ORC3: variants seen among roughly 807,000 people sequenced by gnomAD.
ORC3 encodes origin recognition complex subunit 3, also known as homolog of latheo, Drosophila.
A neutral mutation model predicts 100.7 loss-of-function variants in ORC3; 78 were observed. The ratio of observed to expected loss-of-function variants is 0.77; its 90% confidence interval spans 0.65 to 0.94. The LOEUF is 0.94. ORC3 is among the 40% of genes least tolerant of loss of function. The pLI is 0.00. For missense variants in ORC3, 789 were observed against 823.9 expected (o/e 0.96, Z 0.52); for synonymous variants, 295 against 289.3 (o/e 1.02, Z -0.20).
chr6:87,673,565 A>G, the ORC3 span, among the ~76,000 whole-genome samples: 2 of 152,178 alleles, frequency 1.3e-5, no homozygotes, highest in Non-Finnish European at 2.9e-5. Flanking sequence ...AGAATTGGCC[A>G]GGCGCAGTGG....
chr6:87,618,567 G>A (rs1779323642), intron 9 of ORC3, among the ~76,000 whole-genome samples: 1 of 152,172 alleles, frequency 6.6e-6, no homozygotes, highest in East Asian at 1.9e-4. Context: ...CTAAGAAATA[G>A]GAGCGAGCCA....
intron 13 of ORC3, among the ~76,000 whole-genome samples, chr6:87,641,018 A>AAT: frequency 6.6e-6 from 1 of 152,184 alleles, no homozygotes; most frequent in East Asian, 1.9e-4. Context: ...CTGAGGCAGG[A>AAT]GAATCACTTG....
chr6:87,659,574 T>TG (rs1770022864), intron 16 of ORC3, among the ~76,000 whole-genome samples: 1 of 151,990 alleles, frequency 6.6e-6, no homozygotes, highest in South Asian at 2.1e-4. Context: ...GCTAATGCCA[T>TG]GAAAAGGTCC....
At chr6:87,640,906 G>A (rs1202834193) in intron 13 of ORC3, among the ~76,000 whole-genome samples, 4 of 152,108 alleles carry the variant, frequency 2.6e-5, no homozygotes, top group African/African-American at 9.7e-5. Context: ...TGAGGAGTTC[G>A]AGACCAGCCT....
intron 7 of ORC3, among the ~76,000 whole-genome samples, chr6:87,611,553 G>A (rs543811922): frequency 1.0e-3 from 153 of 152,258 alleles, no homozygotes; most frequent in Non-Finnish European, 1.2e-3. Flanking sequence ...TTGGGAGGCC[G>A]AAGTGGGTGG....
intron 11 of ORC3, among the ~76,000 whole-genome samples, chr6:87,631,898 G>A (rs945421701): frequency 3.3e-5 from 5 of 152,052 alleles, no homozygotes; most frequent in Non-Finnish European, 5.9e-5. Context: ...AGTATCTCAC[G>A]CAGTGTCTAA....
At chr6:87,611,240 A>G (rs1778744512) in intron 7 of ORC3, among the ~76,000 whole-genome samples, 1 of 151,922 alleles carries the variant, frequency 6.6e-6, no homozygotes, top group Non-Finnish European at 1.5e-5. Flanking sequence ...CCCAGCCCAG[A>G]TCCTAGGACT....
At chr6:87,651,621 C>T (rs77784507) in intron 13 of ORC3, among the ~76,000 whole-genome samples, 8,821 of 151,814 alleles carry the variant, frequency 0.058, 309 homozygotes, top group African/African-American at 0.099. Context: ...TTAAAAAAAC[C>T]CTGTGGAAAT....
At position 87,645,496 on chromosome 6, in the gene ORC3, T is replaced by TA; in HGVS notation, c.1383-7619dup. 2.6e-5 allele frequency among the ~76,000 whole-genome samples: 4 copies of TA among 152,382 alleles called. No homozygotes were observed. In the South Asian group the frequency reaches 8.3e-4, roughly 32 times the overall value. On this transcript the variant is annotated intron_variant, in intron 13 of 19. Transcript: ENST00000392844. ...CTTCTTAATTTTTTTACATGCTTTT[T>TA]ATTATTTTTACATGCTTTTTTGTTT...
the ORC3 span, among the ~76,000 whole-genome samples, chr6:87,677,015 T>TG: frequency 9.9e-5 from 15 of 151,118 alleles, no homozygotes; most frequent in African/African-American, 3.7e-4. Flanking sequence ...AAGTAGAGCT[T>TG]GCAGTGAGCC....
intron 3 of ORC3, among the ~76,000 whole-genome samples, chr6:87,602,914 A>ATACACGTT (rs1778023037): frequency 1.4e-5 from 1 of 72,034 alleles, no homozygotes; most frequent in Non-Finnish European, 2.8e-5. Flanking sequence ...ATTATATATT[A>ATACACGTT]TATATATATA....
At position 87,643,870 on chromosome 6, in the gene ORC3, C is replaced by T. The variant is rs369596599; in HGVS notation, c.1382+7384C>T. On this transcript the variant is annotated intron_variant, in intron 13 of 19. Transcript: ENST00000392844. ...TGCATATAAGCTGTGCACATCCTCCCATATATTTTAAATCATGTCTACTTT... is the reference window on the plus strand; with the variant it reads ...TGCATATAAGCTGTGCACATCCTCCTATATATTTTAAATCATGTCTACTTT... 3.3e-5 allele frequency among the ~76,000 whole-genome samples: 5 copies of T among 152,122 alleles called. No homozygotes were observed. In the East Asian group the frequency reaches 9.7e-4, roughly 29 times the overall value.
chr6:87,652,752 A>G (rs1042241871), intron 13 of ORC3, among the ~76,000 whole-genome samples: 5 of 152,174 alleles, frequency 3.3e-5, no homozygotes, highest in Non-Finnish European at 5.9e-5. Context: ...TTCTCATTTA[A>G]TTTTTAAGTC....
At chr6:87,676,447 C>CAAAAA in the ORC3 span, among the ~76,000 whole-genome samples, 31 of 41,852 alleles carry the variant, frequency 7.4e-4, no homozygotes, top group Non-Finnish European at 8.2e-4. Flanking sequence ...GCCTGGGCAA[C>CAAAAA]AAAAAAAAAA....
chr6:87,601,329 A>G (rs1250900672), intron 2 of ORC3, among the ~76,000 whole-genome samples: 1 of 152,202 alleles, frequency 6.6e-6, no homozygotes, highest in East Asian at 1.9e-4. Flanking sequence ...TGAAATACAG[A>G]GGATATTGAA....
chr6:87,621,931 G>T lies in ORC3; in HGVS notation c.1122-19G>T. ...TGTTTAATTTTCTCTTTTTATGTATGGAATGGTGAAAATTCTAGGTACGTG... is the reference window on the plus strand; with the variant it reads ...TGTTTAATTTTCTCTTTTTATGTATTGAATGGTGAAAATTCTAGGTACGTG... On this transcript the variant is annotated intron_variant, in intron 10 of 19. Transcript: ENST00000392844. The T allele has an allele frequency of 6.4e-7, 1 of 1,565,980 alleles. No individual in the cohort carries two copies. Among genetic ancestry groups the T allele is most frequent in the South Asian group, 1.1e-5 (1 of 88,772 alleles).
chr6:87,629,289 G>T (rs1223993947), intron 11 of ORC3, among the ~76,000 whole-genome samples: 1 of 152,108 alleles, frequency 6.6e-6, no homozygotes, highest in Non-Finnish European at 1.5e-5. Context: ...TCAGTGAATT[G>T]ATTGAAAAGA....
At chr6:87,668,170 A>G (rs1025889951), downstream of ORC3, among the ~76,000 whole-genome samples, 5 of 152,186 alleles carry the variant, frequency 3.3e-5, no homozygotes, top group Non-Finnish European at 7.3e-5. Context: ...CAAGAGAATT[A>G]TGGGACTTTA....
At chr6:87,609,311 A>C in intron 7 of ORC3, 82 bp downstream of exon 7, 1 of 878,644 alleles carries the variant, frequency 1.1e-6, no homozygotes, top group Non-Finnish European at 1.7e-6. Flanking sequence ...TATAATCTTC[A>C]TTTTAATACC....
Sources: gnomAD v4.1 joint callset for allele counts (sites outside exome capture counted in the v4.1 genomes callset) on GRCh38, gnomAD v4.1.1 for gene constraint, MANE v1.5 for transcripts, NCBI Gene and HGNC (gene_info 2026-07-23, HGNC 2026-07-21) for gene names.